The following SLC25A14 variants were observed in gnomAD, a reference collection of about 807,000 sequenced individuals.
The protein encoded by SLC25A14 is solute carrier family 25 member 14.
SLC25A14 carries 8 observed loss-of-function variants against 28.1 expected under a neutral mutation model. The ratio of observed to expected loss-of-function variants is 0.28; its 90% CI spans 0.17 to 0.51. The LOEUF is 0.51. SLC25A14 is among the 20% of genes least tolerant of loss of function. The probability of loss-of-function intolerance (pLI) is 0.97; values close to 1 mark genes in which losing one functional copy is unlikely to be tolerated. For synonymous variants in SLC25A14, 74 were observed against 90.6 expected (o/e 0.82, Z 1.04); for missense variants, 135 against 263.8 (o/e 0.51, Z 3.38).
chrX:130,364,165 G>A (rs932195620), intron 7 of SLC25A14, among the ~76,000 whole-genome samples: 4 of 112,317 alleles, frequency 3.6e-5, no homozygotes, highest in Non-Finnish European at 3.8e-5. Context: ...TTGGCCATTT[G>A]TGTATCTTTT....
chrX:130,362,206 G>T (rs1012137177), intron 7 of SLC25A14, among the ~76,000 whole-genome samples: 38 of 108,074 alleles, frequency 3.5e-4, no homozygotes, highest in African/African-American at 1.2e-3. Context: ...GCGCGATCTC[G>T]GCTCACTGCA....
intron 4 of SLC25A14, among the ~76,000 whole-genome samples, chrX:130,348,961 A>G (rs183077503): frequency 7.1e-4 from 78 of 110,054 alleles, no homozygotes; most frequent in African/African-American, 2.3e-3. Flanking sequence ...TTATTTAGAT[A>G]TATATTGTTT....
At position 130,340,208 on chromosome X, in the gene SLC25A14, C is replaced by T. The variant is rs2033200883; in HGVS notation, c.-71C>T. On this transcript the variant is annotated 5_prime_UTR_variant, in exon 2 of 11. Coordinates refer to ENST00000545805, the MANE Select transcript of SLC25A14 (RefSeq NM_001282195.2). ...CCCCTGGGAGGCCGCCTTCTTCAGG[C>T]GCCTCCCTTCTCTCCACGAGCTCGC... is the stretch of plus-strand genomic sequence containing the variant. 2.5e-6 allele frequency: 3 copies of T among 1,192,664 alleles called. No individual in the cohort carries two copies. The highest frequency in any genetic ancestry group is 2.9e-4 in the Middle Eastern group (1 of 3,446).
At chrX:130,363,711 TCTTTTA>T (rs2034039297) in intron 7 of SLC25A14, among the ~76,000 whole-genome samples, 1 of 111,602 alleles carries the variant, frequency 9.0e-6, no homozygotes, top group African/African-American at 3.3e-5. Context: ...CAACACTTGC[TCTTTTA>T]CTTTTTCTTT....
intron 10 of SLC25A14, among the ~76,000 whole-genome samples, 170 bp downstream of exon 10, chrX:130,371,814 A>G (rs1385306610): frequency 8.9e-6 from 1 of 112,115 alleles, no homozygotes; most frequent in Admixed American, 9.5e-5. Flanking sequence ...GTTGGAGGCT[A>G]ATACAAACTA....
intron 6 of SLC25A14, among the ~76,000 whole-genome samples, chrX:130,356,215 ATCTTT>A (rs2033783637): frequency 4.9e-5 from 4 of 82,018 alleles, no homozygotes; most frequent in African/African-American, 1.9e-4. Flanking sequence ...TGCAAGGGCA[ATCTTT>A]TTTTTTTTTT....
At chrX:130,350,596 A>G (rs2033595179) in intron 5 of SLC25A14, 50 bp from the exon 6 acceptor site, 1 of 793,108 alleles carries the variant, frequency 1.3e-6, no homozygotes. Context: ...TATGTACTCA[A>G]ACTGGTGCCT....
At chrX:130,360,714 C>T (rs1348164828) in intron 7 of SLC25A14, among the ~76,000 whole-genome samples, 1 of 111,609 alleles carries the variant, frequency 9.0e-6, no homozygotes, top group East Asian at 2.8e-4. Flanking sequence ...TGACAAGGAA[C>T]AAAAACAGAG....
chrX:130,348,783 C>T (rs1390080399), intron 4 of SLC25A14, among the ~76,000 whole-genome samples: 1 of 19,298 alleles, frequency 5.2e-5, no homozygotes, highest in Non-Finnish European at 1.1e-4. Context: ...AGACTCTACC[C>T]CCCCCCCCCC....
At chrX:130,356,217 C>CT (rs145822008) in intron 6 of SLC25A14, among the ~76,000 whole-genome samples, 1,793 of 52,034 alleles carry the variant, frequency 0.034, 333 homozygotes, top group African/African-American at 0.1. Context: ...CAAGGGCAAT[C>CT]TTTTTTTTTT....
At chrX:130,350,883 T>C (rs776383756) in intron 6 of SLC25A14, 152 bp downstream of exon 6, 1 of 357,643 alleles carries the variant, frequency 2.8e-6, no homozygotes, top group East Asian at 4.4e-5. Context: ...ATGAATATAA[T>C]ACAGTGTTTA....
intron 5 of SLC25A14, among the ~76,000 whole-genome samples, chrX:130,350,212 C>T (rs543081014): frequency 2.7e-5 from 3 of 111,654 alleles, no homozygotes; most frequent in African/African-American, 6.5e-5. Context: ...AATTAATATT[C>T]AAATAAGTTT....
At chrX:130,361,482 T>TA (rs748914785) in intron 7 of SLC25A14, among the ~76,000 whole-genome samples, 3 of 112,714 alleles carry the variant, frequency 2.7e-5, no homozygotes, top group Non-Finnish European at 5.6e-5. Context: ...ATACAGGACT[T>TA]ACTTTTTCAT....
At chrX:130,365,399 CT>C (rs2034090418) in intron 8 of SLC25A14, 141 bp from the exon 9 acceptor site, 1 of 1,056,555 alleles carries the variant, frequency 9.5e-7, no homozygotes, top group African/African-American at 1.9e-5. Flanking sequence ...TTTCCTGTCT[CT>C]TTAGATTGTA....
rs757399526 is a variant in SLC25A14, at chrX:130,365,629, G to A, written c.808G>A (p.Val270Met). 2.5e-6 allele frequency: 3 copies of A among 1,211,000 alleles called. No homozygotes were observed. Among genetic ancestry groups the A allele is most frequent in the Non-Finnish European group, 3.4e-6 (3 of 894,897 alleles). Reference sequence around the variant, plus strand: ...TCGCATGATGAACCAGAGGGCAATCGTGGGACATGTGGATCTCTATAAGGG... The same window carrying A: ...TCGCATGATGAACCAGAGGGCAATCATGGGACATGTGGATCTCTATAAGGG... ...RTRMMNQRAI[V>M]GHVDLYKGTV... The change falls in exon 9 of 11, where the codon GTG (valine) becomes ATG (methionine). Residue 270 changes from valine (V) to methionine (M), a missense_variant. Val to Met is a conservative substitution (Grantham distance 21). Coordinates refer to ENST00000545805, the MANE Select transcript of SLC25A14 (RefSeq NM_001282195.2).
intron 10 of SLC25A14, among the ~76,000 whole-genome samples, chrX:130,372,323 C>T (rs2034282607): frequency 9.0e-6 from 1 of 111,103 alleles, no homozygotes; most frequent in Non-Finnish European, 1.9e-5. Context: ...TGCGTTTGTC[C>T]TGTTTCCCCC....
intron 6 of SLC25A14, among the ~76,000 whole-genome samples, chrX:130,353,097 AAGGT>A (rs2033668779): frequency 8.9e-6 from 1 of 111,928 alleles, no homozygotes; most frequent in South Asian, 3.8e-4. Context: ...TATATGGTGA[AAGGT>A]AGGGGCCCAG....
chrX:130,359,103 A>G (rs1026825401), intron 7 of SLC25A14: 1 of 867,245 alleles, frequency 1.2e-6, no homozygotes, highest in Non-Finnish European at 1.5e-6. Context: ...CTGTAATCCC[A>G]GCACTTTGGG....
intron 3 of SLC25A14, 31 bp downstream of exon 3, chrX:130,345,306 T>A: frequency 2.2e-6 from 2 of 891,837 alleles, no homozygotes; most frequent in Non-Finnish European, 3.3e-6. Flanking sequence ...AAATCTGCAT[T>A]ATACGGTATA....
Sources: allele counts gnomAD v4.1 joint callset (sites outside exome capture counted in the v4.1 genomes callset), GRCh38; gene constraint gnomAD v4.1.1; transcripts MANE v1.5; gene names NCBI Gene and HGNC (gene_info 2026-07-23, HGNC 2026-07-21).